The following TAFA2 variants were observed in gnomAD, a reference collection of about 807,000 sequenced individuals.
TAFA2 encodes TAFA chemokine like family member 2.
Under a neutral mutation model 18.8 loss-of-function variants are expected in TAFA2, and 7 were observed. The ratio of observed to expected loss-of-function variants is 0.37; its 90% CI spans 0.21 to 0.70. TAFA2 has a LOEUF of 0.70. Ranked by LOEUF, TAFA2 falls within the 30% of genes least tolerant of loss-of-function variation. The pLI is 0.53. For synonymous variants in TAFA2, 60 were observed against 54.2 expected (o/e 1.11, Z -0.47); for missense variants, 122 against 158.1 (o/e 0.77, Z 1.23).
chr12:62,258,615 G>T, intron 1 of TAFA2: 1 of 214,248 alleles, frequency 4.7e-6, no homozygotes, highest in Non-Finnish European at 1.0e-5. Flanking sequence ...TTTATTGAAT[G>T]GCTATTACGT....
chr12:61,749,658 A>T (rs1388367361), intron 4 of TAFA2, among the ~76,000 whole-genome samples: 1 of 152,130 alleles, frequency 6.6e-6, no homozygotes, highest in East Asian at 1.9e-4. Flanking sequence ...TATCTGCTCA[A>T]GCCACTTTAA....
intron 1 of TAFA2, among the ~76,000 whole-genome samples, chr12:62,250,434 ATGTATGACTTGT>A (rs1228811077): frequency 6.6e-6 from 1 of 152,170 alleles, no homozygotes; most frequent in African/African-American, 2.4e-5. Context: ...ATGCATGTAT[ATGTATGACTTGT>A]TTTATTTTTA....
At chr12:62,221,216 G>GGGAAGGAGGGAAGGAA (rs1565782383) in intron 1 of TAFA2, among the ~76,000 whole-genome samples, 1 of 78,820 alleles carries the variant, frequency 1.3e-5, no homozygotes. Flanking sequence ...GAAGGAAGGG[G>GGGAAGGAGGGAAGGAA]GGAAGGAAGG....
chr12:62,150,539 C>T (rs1216003579), intron 1 of TAFA2, among the ~76,000 whole-genome samples: 1 of 152,068 alleles, frequency 6.6e-6, no homozygotes, highest in Non-Finnish European at 1.5e-5. Flanking sequence ...CTAATCATAT[C>T]ATTCATCTTC....
At chr12:62,197,490 T>G (rs1403208727), upstream of TAFA2, among the ~76,000 whole-genome samples, 4 of 152,214 alleles carry the variant, frequency 2.6e-5, no homozygotes, top group Non-Finnish European at 4.4e-5. Context: ...CTGCATGTAT[T>G]TAAAGTGTAC....
intron 2 of TAFA2, among the ~76,000 whole-genome samples, chr12:61,864,540 G>A (rs1434350249): frequency 1.3e-5 from 2 of 151,266 alleles, no homozygotes; most frequent in African/African-American, 4.8e-5. Context: ...TTGGGAGGCC[G>A]AGGCGGGCGG....
At chr12:62,099,844 C>A (rs1592334593) in intron 1 of TAFA2, among the ~76,000 whole-genome samples, 1 of 152,104 alleles carries the variant, frequency 6.6e-6, no homozygotes, top group East Asian at 1.9e-4. Context: ...CACATCACTT[C>A]AGCCTAAGAG....
intron 1 of TAFA2, among the ~76,000 whole-genome samples, chr12:62,165,937 TCTCACACA>T (rs1041811945): frequency 2.6e-5 from 3 of 115,282 alleles, no homozygotes; most frequent in African/African-American, 9.9e-5. Context: ...TCTCTCTCTC[TCTCACACA>T]CACACACACA....
intron 1 of TAFA2, among the ~76,000 whole-genome samples, chr12:61,962,259 C>T (rs76952062): frequency 0.016 from 2,410 of 152,044 alleles, 180 homozygotes; most frequent in East Asian, 0.14. Context: ...AAGCAGAACT[C>T]AAGTAAAACA....
At chr12:62,115,903 C>A (rs1414756160) in intron 1 of TAFA2, among the ~76,000 whole-genome samples, 1 of 152,128 alleles carries the variant, frequency 6.6e-6, no homozygotes, top group Non-Finnish European at 1.5e-5. Flanking sequence ...ATCATTTGAC[C>A]CTGTTGTTCT....
chr12:62,100,301 A>C (rs932500818), intron 1 of TAFA2, among the ~76,000 whole-genome samples: 7 of 152,118 alleles, frequency 4.6e-5, no homozygotes, highest in African/African-American at 1.7e-4. Context: ...CATGTTACCA[A>C]AGTCTTTGAA....
At chr12:62,148,054 C>CAA (rs59238199) in intron 1 of TAFA2, among the ~76,000 whole-genome samples, 6 of 151,370 alleles carry the variant, frequency 4.0e-5, no homozygotes, top group African/African-American at 1.5e-4. Flanking sequence ...ACTAAAAAGT[C>CAA]AAAAAAAAGC....
chr12:61,790,835 G>A (rs1298205295), intron 2 of TAFA2, among the ~76,000 whole-genome samples: 5 of 151,486 alleles, frequency 3.3e-5, no homozygotes, highest in East Asian at 1.9e-4. Context: ...AAATACTAAC[G>A]GTGTTATTTA....
At chr12:61,999,338 C>T (rs370950759) in intron 1 of TAFA2, among the ~76,000 whole-genome samples, 41 of 152,256 alleles carry the variant, frequency 2.7e-4, no homozygotes, top group African/African-American at 8.9e-4. Flanking sequence ...CTAACTTAAC[C>T]TCATACAAAT....
chr12:61,885,262 A>G (rs890131465), intron 1 of TAFA2, among the ~76,000 whole-genome samples: 1 of 152,158 alleles, frequency 6.6e-6, no homozygotes, highest in African/African-American at 2.4e-5. Context: ...CTACAGCAAT[A>G]CTAGTGGGCA....
intron 2 of TAFA2, among the ~76,000 whole-genome samples, chr12:61,847,186 G>T (rs565612364): frequency 6.6e-6 from 1 of 152,142 alleles, no homozygotes; most frequent in Non-Finnish European, 1.5e-5. Context: ...CTGCTGTTGT[G>T]ATTATACACA....
intron 1 of TAFA2, among the ~76,000 whole-genome samples, chr12:61,888,516 C>A (rs1035262476): frequency 1.1e-4 from 16 of 152,180 alleles, no homozygotes; most frequent in Non-Finnish European, 2.2e-4. Context: ...CATTCTCCTA[C>A]AAACACAGAA....
At chr12:61,985,083 T>G (rs563854241) in intron 1 of TAFA2, among the ~76,000 whole-genome samples, 1 of 152,244 alleles carries the variant, frequency 6.6e-6, no homozygotes, top group South Asian at 2.1e-4. Context: ...ATAAAACAAT[T>G]TACTTTGTAG....
chr12:62,105,720 C>T (rs1440353531), intron 1 of TAFA2, among the ~76,000 whole-genome samples: 2 of 152,020 alleles, frequency 1.3e-5, no homozygotes, highest in African/African-American at 4.8e-5. Flanking sequence ...CAGTAATTTC[C>T]CACTAAGTGC....
Sources: gnomAD v4.1 joint callset for allele counts (sites outside exome capture counted in the v4.1 genomes callset) on GRCh38, gnomAD v4.1.1 for gene constraint, MANE v1.5 for transcripts, NCBI Gene and HGNC (gene_info 2026-07-23, HGNC 2026-07-21) for gene names.